Variants in SLC24A2 observed in about 807,000 individuals in gnomAD.
SLC24A2 encodes sodium/potassium/calcium exchanger 2.
SLC24A2 carries 36 observed loss-of-function variants against 62.0 expected under a neutral mutation model. The ratio of observed to expected loss-of-function variants is 0.58; its 90% CI spans 0.44 to 0.77. The LOEUF is 0.77. SLC24A2 is among the 30% of genes least tolerant of loss of function. The pLI is 0.00. For synonymous variants in SLC24A2, 358 were observed against 294.0 expected (o/e 1.22, Z -2.23); for missense variants, 846 against 817.9 (o/e 1.03, Z -0.42).
the SLC24A2 span, among the ~76,000 whole-genome samples, chr9:19,955,660 T>C: frequency 6.6e-6 from 1 of 152,164 alleles, no homozygotes; most frequent in East Asian, 1.9e-4. Context: ...CAATAAGCTA[T>C]GTGAGCATAT....
the SLC24A2 span, among the ~76,000 whole-genome samples, chr9:20,206,878 A>AG: frequency 3.3e-5 from 1 of 30,270 alleles, no homozygotes; most frequent in Admixed American, 3.2e-4. Context: ...AAAAAAACTA[A>AG]GTTGGGGGGG....
chr9:19,527,457 C>A (rs1280831051), intron 9 of SLC24A2, among the ~76,000 whole-genome samples: 1 of 152,176 alleles, frequency 6.6e-6, no homozygotes, highest in Non-Finnish European at 1.5e-5. Context: ...GTAGGACATA[C>A]TCAATTATCA....
the SLC24A2 span, among the ~76,000 whole-genome samples, chr9:19,876,183 T>C: frequency 6.6e-6 from 1 of 152,188 alleles, no homozygotes; most frequent in Non-Finnish European, 1.5e-5. Flanking sequence ...TAGAAAGATT[T>C]CTGTAATTGT....
At chr9:19,527,863 C>A (rs961319063) in intron 9 of SLC24A2, among the ~76,000 whole-genome samples, 186 bp downstream of exon 9, 1 of 152,174 alleles carries the variant, frequency 6.6e-6, no homozygotes, top group Non-Finnish European at 1.5e-5. Context: ...TGATTTAATT[C>A]CATGCTACAG....
the SLC24A2 span, among the ~76,000 whole-genome samples, chr9:20,183,651 A>C: frequency 6.6e-6 from 1 of 152,346 alleles, no homozygotes; most frequent in East Asian, 1.9e-4. Flanking sequence ...CTGGGCCTTG[A>C]AGAATGGGTA....
the SLC24A2 span, among the ~76,000 whole-genome samples, chr9:19,918,393 C>CAA: frequency 0.44 from 59,965 of 137,482 alleles, 13,423 homozygotes; most frequent in Middle Eastern, 0.57. Flanking sequence ...CTGCCTTTAT[C>CAA]AAAAAAAAAA....
chr9:20,154,094 G>A, the SLC24A2 span, among the ~76,000 whole-genome samples: 2 of 151,764 alleles, frequency 1.3e-5, no homozygotes, highest in Non-Finnish European at 2.9e-5. Context: ...ACTCTATACT[G>A]TTACTCCAGT....
the SLC24A2 span, among the ~76,000 whole-genome samples, chr9:19,999,881 G>T: frequency 6.6e-6 from 1 of 152,158 alleles, no homozygotes. Context: ...TCTTCATCCG[G>T]GTCACTGGTG....
At chr9:20,099,838 T>A in the SLC24A2 span, among the ~76,000 whole-genome samples, 1 of 151,840 alleles carries the variant, frequency 6.6e-6, no homozygotes, top group Non-Finnish European at 1.5e-5. Context: ...TCAATAAGGA[T>A]TTTTTTTCTC....
chr9:20,064,920 G>A, the SLC24A2 span, among the ~76,000 whole-genome samples: 1 of 152,194 alleles, frequency 6.6e-6, no homozygotes, highest in African/African-American at 2.4e-5. Flanking sequence ...CCCTGGGGCA[G>A]GGAAGTGATA....
At chr9:20,161,466 G>A in the SLC24A2 span, among the ~76,000 whole-genome samples, 2 of 151,272 alleles carry the variant, frequency 1.3e-5, no homozygotes, top group African/African-American at 2.4e-5. Context: ...GAATATTGAT[G>A]AAAAATCCTA....
chr9:20,123,392 A>G, the SLC24A2 span, among the ~76,000 whole-genome samples: 1 of 152,186 alleles, frequency 6.6e-6, no homozygotes, highest in Non-Finnish European at 1.5e-5. Context: ...TCTCCTCATA[A>G]CAAAATGATG....
the SLC24A2 span, among the ~76,000 whole-genome samples, chr9:19,938,835 G>A: frequency 6.6e-5 from 10 of 152,050 alleles, no homozygotes; most frequent in Non-Finnish European, 1.3e-4. Context: ...ATTTTGCTCC[G>A]CACATTTTAC....
chr9:19,971,674 G>A, the SLC24A2 span, among the ~76,000 whole-genome samples: 4 of 151,644 alleles, frequency 2.6e-5, no homozygotes, highest in East Asian at 5.8e-4. Context: ...TCTCTGAGAG[G>A]CCATTCAGAA....
chr9:19,622,806 A>T (rs1364200835), intron 2 of SLC24A2, among the ~76,000 whole-genome samples: 1 of 152,182 alleles, frequency 6.6e-6, no homozygotes, highest in East Asian at 1.9e-4. Context: ...GATTGCAAAG[A>T]AATGTCATTT....
At chr9:20,240,125 T>C in the SLC24A2 span, among the ~76,000 whole-genome samples, 1 of 152,104 alleles carries the variant, frequency 6.6e-6, no homozygotes, top group Non-Finnish European at 1.5e-5. Flanking sequence ...CTCTGGGGCC[T>C]GGTGGGTAGG....
chr9:19,533,616 A>G (rs1833811111), intron 8 of SLC24A2, among the ~76,000 whole-genome samples: 1 of 152,234 alleles, frequency 6.6e-6, no homozygotes, highest in South Asian at 2.1e-4. Flanking sequence ...TATGTGGAGC[A>G]GAGACAAGCT....
chr9:19,878,438 A>G, the SLC24A2 span, among the ~76,000 whole-genome samples: 1 of 152,334 alleles, frequency 6.6e-6, no homozygotes, highest in East Asian at 1.9e-4. Flanking sequence ...AGAAAGCAGA[A>G]TAGAAATAAT....
At chr9:20,299,768 C>T in the SLC24A2 span, among the ~76,000 whole-genome samples, 1 of 152,290 alleles carries the variant, frequency 6.6e-6, no homozygotes, top group South Asian at 2.1e-4. Context: ...CAAAGAAACT[C>T]GTTCAGGGAG....
Sources: gnomAD v4.1 joint callset for allele counts (sites outside exome capture counted in the v4.1 genomes callset) on GRCh38, gnomAD v4.1.1 for gene constraint, MANE v1.5 for transcripts, NCBI Gene and HGNC (gene_info 2026-07-23, HGNC 2026-07-21) for gene names.